The following MAPDA variants were observed in gnomAD, a reference collection of about 807,000 sequenced individuals.
MAPDA encodes N6-Methyl-AMP deaminase.
At chr15:43,348,918 A>G in the MAPDA span, 82 of 1,613,892 alleles carry the variant, frequency 5.1e-5, no homozygotes, top group African/African-American at 1.1e-3. Context: ...TTCCAAACCA[A>G]AAAAAAGAAA....
chr15:43,346,243 G>A, the MAPDA span, among the ~76,000 whole-genome samples: 3 of 152,208 alleles, frequency 2.0e-5, no homozygotes, highest in Non-Finnish European at 4.4e-5. Context: ...TAAAGATGGT[G>A]CACAACTAGT....
At chr15:43,348,304 T>C in the MAPDA span, among the ~76,000 whole-genome samples, 1 of 152,174 alleles carries the variant, frequency 6.6e-6, no homozygotes, top group African/African-American at 2.4e-5. Context: ...TTCACGCTTA[T>C]CTCTACCATT....
At chr15:43,340,242 G>A in the MAPDA span, 4 of 1,603,262 alleles carry the variant, frequency 2.5e-6, no homozygotes, top group Admixed American at 3.4e-5. Flanking sequence ...TATCAATATT[G>A]TGTACGTTAT....
At chr15:43,333,237 C>T in the MAPDA span, 1 of 151,890 alleles carries the variant, frequency 6.6e-6, no homozygotes, top group Non-Finnish European at 1.5e-5. Context: ...TGGTGAGACC[C>T]CGTCTCTACA....
the MAPDA span, chr15:43,332,333 G>T: frequency 2.0e-5 from 3 of 151,806 alleles, no homozygotes; most frequent in African/African-American, 7.3e-5. Context: ...CCTCTAAAAT[G>T]AGATTAAGTA....
the MAPDA span, chr15:43,336,779 A>T: frequency 7.8e-6 from 8 of 1,027,846 alleles, no homozygotes; most frequent in South Asian, 1.6e-4. Context: ...GCTCTCATTA[A>T]GAGTGATGAA....
chr15:43,330,429 C>A, the MAPDA span: 2 of 1,558,562 alleles, frequency 1.3e-6, no homozygotes, highest in Admixed American at 4.3e-5. Context: ...TTGCTGAGGG[C>A]GCTGCTGTCG....
the MAPDA span, chr15:43,335,884 T>A: frequency 6.4e-7 from 1 of 1,569,854 alleles, no homozygotes; most frequent in Non-Finnish European, 8.6e-7. Flanking sequence ...ATTTTGAGAT[T>A]GTAAGTAGTA....
At chr15:43,348,339 C>CT in the MAPDA span, among the ~76,000 whole-genome samples, 1 of 152,036 alleles carries the variant, frequency 6.6e-6, no homozygotes, top group Non-Finnish European at 1.5e-5. Context: ...CCTTGGACAA[C>CT]TTTTTTTAAA....
chr15:43,347,057 TA>T, the MAPDA span: 2 of 1,613,780 alleles, frequency 1.2e-6, no homozygotes, highest in Non-Finnish European at 1.7e-6. Flanking sequence ...TTTTAGAAGC[TA>T]AGAAAGCAGG....
At chr15:43,332,999 A>G in the MAPDA span, among the ~76,000 whole-genome samples, 7 of 152,284 alleles carry the variant, frequency 4.6e-5, no homozygotes, top group African/African-American at 1.7e-4. Flanking sequence ...ATGATTGCTT[A>G]GTTGCTTTTT....
At chr15:43,335,348 C>T in the MAPDA span, among the ~76,000 whole-genome samples, 3 of 152,066 alleles carry the variant, frequency 2.0e-5, no homozygotes, top group African/African-American at 7.2e-5. Flanking sequence ...CTAGACTGGC[C>T]AACATGGCAA....
At chr15:43,354,301 T>TA in the MAPDA span, 1 of 152,230 alleles carries the variant, frequency 6.6e-6, no homozygotes, top group South Asian at 2.1e-4. Flanking sequence ...AGTTCTTAGA[T>TA]ACGTGTGTGT....
chr15:43,341,170 T>C, the MAPDA span, among the ~76,000 whole-genome samples: 1,443 of 152,310 alleles, frequency 9.5e-3, 26 homozygotes, highest in East Asian at 0.065. Context: ...TTTCCTGATA[T>C]ATGTAGCTCA....
chr15:43,350,371 C>A, the MAPDA span, among the ~76,000 whole-genome samples: 1 of 152,098 alleles, frequency 6.6e-6, no homozygotes, highest in East Asian at 1.9e-4. Context: ...AGTCACCATG[C>A]CCGGCCAATA....
At chr15:43,345,254 T>C in the MAPDA span, among the ~76,000 whole-genome samples, 22 of 150,664 alleles carry the variant, frequency 1.5e-4, no homozygotes, top group African/African-American at 4.9e-4. Context: ...CTCGGGTGAC[T>C]GAGGCAGGAG....
the MAPDA span, among the ~76,000 whole-genome samples, chr15:43,342,255 A>C: frequency 1.3e-5 from 2 of 152,080 alleles, no homozygotes; most frequent in Admixed American, 1.3e-4. Context: ...AAGAAAAAGA[A>C]AAAAAGGTAT....
chr15:43,341,261 T>A, the MAPDA span, among the ~76,000 whole-genome samples: 1 of 152,216 alleles, frequency 6.6e-6, no homozygotes, highest in Non-Finnish European at 1.5e-5. Flanking sequence ...GCTCTCATCT[T>A]GCATTTTTGA....
At chr15:43,340,916 G>A in the MAPDA span, among the ~76,000 whole-genome samples, 3 of 152,198 alleles carry the variant, frequency 2.0e-5, no homozygotes, top group Non-Finnish European at 4.4e-5. Context: ...CAATGCCATT[G>A]AGTGGATGCA....
Sources: allele counts gnomAD v4.1 joint callset (sites outside exome capture counted in the v4.1 genomes callset), GRCh38; gene constraint gnomAD v4.1.1; transcripts MANE v1.5; gene names NCBI Gene and HGNC (gene_info 2026-07-23, HGNC 2026-07-21).